The following FER variants were observed in gnomAD, a reference collection of about 807,000 sequenced individuals.
FER encodes the protein tyrosine-protein kinase Fer.
FER carries 63 observed loss-of-function variants against 111.0 expected under a neutral mutation model. The ratio of observed to expected loss-of-function variants is 0.57; its 90% CI spans 0.46 to 0.70. FER has a LOEUF of 0.70. Among genes scored for constraint, FER ranks in the 30% least tolerant of loss-of-function variants. FER has a pLI of 0.00. For synonymous variants in FER, 327 were observed against 313.9 expected (o/e 1.04, Z -0.44); for missense variants, 914 against 954.0 (o/e 0.96, Z 0.55).
rs1191639608 is a variant in FER at position 108,803,174 on chromosome 5, C to T, written c.207+4785C>T. Among the ~76,000 whole-genome samples, 5 of 151,926 alleles carry T rather than the reference C, an allele frequency of 3.3e-5. No homozygotes were observed. In the East Asian group the frequency reaches 9.6e-4, roughly 29 times the overall value. On this transcript the variant is annotated intron_variant, in intron 3 of 19. Coordinates refer to ENST00000281092, the MANE Select transcript of FER (RefSeq NM_005246.4). ...AGAAGTATCTATTAATGTCCTATGC[C>T]CACTTTTTAATGTTTTTTTTTCTTG...
intron 17 of FER, among the ~76,000 whole-genome samples, chr5:109,110,583 A>G (rs1276721631): frequency 1.3e-5 from 2 of 152,136 alleles, no homozygotes; most frequent in African/African-American, 4.8e-5. Context: ...GGTGGGGGTA[A>G]TTGATGGCAA....
chr5:108,882,238 T>C (rs1765754175), intron 8 of FER, among the ~76,000 whole-genome samples: 1 of 152,040 alleles, frequency 6.6e-6, no homozygotes, highest in South Asian at 2.1e-4. Context: ...AGATGACCCC[T>C]GAAAAATCTG....
chr5:109,019,740 C>T (rs1466109660), intron 13 of FER, among the ~76,000 whole-genome samples: 1 of 151,776 alleles, frequency 6.6e-6, no homozygotes, highest in Admixed American at 6.6e-5. Flanking sequence ...TTCTAGCATT[C>T]TTCCCTGCAA....
intron 16 of FER, among the ~76,000 whole-genome samples, chr5:109,088,703 T>C (rs1245916246): frequency 3.3e-5 from 5 of 152,152 alleles, no homozygotes; most frequent in African/African-American, 9.7e-5. Flanking sequence ...AATAAATCCT[T>C]TTATAAAATT....
At chr5:109,054,336 T>C (rs1033080888) in intron 16 of FER, among the ~76,000 whole-genome samples, 1 of 152,242 alleles carries the variant, frequency 6.6e-6, no homozygotes, top group East Asian at 1.9e-4. Flanking sequence ...AATACTTCTA[T>C]ACCTTATTGT....
chr5:109,040,299 TGAA>T (rs1770976895), intron 14 of FER, among the ~76,000 whole-genome samples: 1 of 151,990 alleles, frequency 6.6e-6, no homozygotes, highest in African/African-American at 2.4e-5. Context: ...TGAGTCTAGA[TGAA>T]GAAGAGAAGA....
rs142037873 is a variant in FER at position 108,822,638 on chromosome 5, C to G, written c.208-10132C>G. On this transcript the variant is annotated intron_variant, in intron 3 of 19. Coordinates refer to ENST00000281092, the MANE Select transcript of FER (RefSeq NM_005246.4). ...CCAAGCCACCCACATAGTAGCAGCC[C>G]TCATGACCCAAACACCTTCCATTAG... is the stretch of plus-strand genomic sequence containing the variant. Among the ~76,000 whole-genome samples, 336 of 152,154 alleles carry G rather than the reference C, an allele frequency of 2.2e-3. 2 individuals are homozygous for G. The highest frequency in any genetic ancestry group is 7.7e-3 in the African/African-American group (318 of 41,502).
chr5:108,773,796 A>G lies in FER; in HGVS notation c.-60+5558A>G, dbSNP rs140825585. Among the ~76,000 whole-genome samples, 637 of 152,230 alleles carry G rather than the reference A, an allele frequency of 4.2e-3. 5 individuals carry two copies. Among genetic ancestry groups the G allele is most frequent in the African/African-American group, 0.015 (618 of 41,530 alleles). ...ACTGTCTTCCACAATGGTTGAACTAATTTACACTACCACCAACAGTGTAAA... is the reference window on the plus strand; with the variant it reads ...ACTGTCTTCCACAATGGTTGAACTAGTTTACACTACCACCAACAGTGTAAA... On this transcript the variant is annotated intron_variant, in intron 2 of 19. Coordinates refer to ENST00000281092, the MANE Select transcript of FER (RefSeq NM_005246.4).
At chr5:108,975,676 A>G (rs1192906260) in intron 13 of FER, among the ~76,000 whole-genome samples, 3 of 152,188 alleles carry the variant, frequency 2.0e-5, no homozygotes, top group Admixed American at 6.5e-5. Flanking sequence ...GTTGACAGGT[A>G]AGAAATAGAA....
At chr5:109,049,890 C>T (rs1300097807) in intron 16 of FER, among the ~76,000 whole-genome samples, 57 of 152,278 alleles carry the variant, frequency 3.7e-4, no homozygotes, top group Non-Finnish European at 1.6e-4. Context: ...CTCTTTCAAC[C>T]TCTCTTGCAT....
intron 13 of FER, among the ~76,000 whole-genome samples, chr5:109,016,547 CTGA>C (rs1767153091): frequency 6.6e-6 from 1 of 151,958 alleles, no homozygotes; most frequent in Admixed American, 6.6e-5. Flanking sequence ...TTTTGTGTCT[CTGA>C]TGATATCAGA....
chr5:109,073,562 T>C (rs536851505), intron 16 of FER, among the ~76,000 whole-genome samples: 58 of 152,172 alleles, frequency 3.8e-4, no homozygotes, highest in Non-Finnish European at 7.1e-4. Context: ...AAATATCTAA[T>C]GGGGAAAACT....
rs1438979979 is a variant in FER at position 109,146,276 on chromosome 5, A to C, written c.2049-34471A>C. Among the ~76,000 whole-genome samples the C allele has an allele frequency of 4.8e-5, 3 of 62,404 alleles. 1 individual carries two copies. The highest frequency in any genetic ancestry group is 1.8e-4 in the African/African-American group (3 of 16,452). 40.9% of individuals were successfully genotyped at this position (62,404 alleles called of 152,430 possible). A position where few individuals can be genotyped will look rare whatever the true frequency, so the allele number is the denominator to read the frequency against. ...CTAATATATATATATATATATATAT[A>C]TATATATATATATATCTTGGGTAGC... On this transcript the variant is annotated intron_variant, in intron 17 of 19. Transcript: ENST00000281092.
At chr5:109,051,312 C>T (rs1772767659) in intron 16 of FER, 1 of 1,559,762 alleles carries the variant, frequency 6.4e-7, no homozygotes, top group African/African-American at 1.4e-5. Flanking sequence ...AAGCCTGTAT[C>T]TAGATCTCCA....
Position 108,865,914 on chromosome 5 carries a change from A to G in FER, c.482-1853A>G, listed in dbSNP as rs1359263486. ...CCATCTCACACCAGTTAGAATGGCAATCATTAAGAAGTCAGGAAACAACAG... is the reference window on the plus strand; with the variant it reads ...CCATCTCACACCAGTTAGAATGGCAGTCATTAAGAAGTCAGGAAACAACAG... On this transcript the variant is annotated intron_variant, in intron 5 of 19. Transcript: ENST00000281092. Among the ~76,000 whole-genome samples, 8 of 152,292 alleles carry G rather than the reference A, an allele frequency of 5.3e-5. No individual in the cohort carries two copies. In the East Asian group the frequency reaches 1.5e-3, roughly 29 times the overall value.
chr5:108,992,530 G>C (rs1203905239), intron 13 of FER, among the ~76,000 whole-genome samples: 1 of 149,216 alleles, frequency 6.7e-6, no homozygotes, highest in South Asian at 2.1e-4. Context: ...CCTCCCGGAC[G>C]GGGCAGCTGG....
intron 5 of FER, among the ~76,000 whole-genome samples, chr5:108,862,611 G>A (rs1399684163): frequency 6.6e-6 from 1 of 152,058 alleles, no homozygotes; most frequent in Non-Finnish European, 1.5e-5. Flanking sequence ...TATACCTTTT[G>A]AACTGACAGT....
chr5:108,785,612 G>A (rs567822078), intron 2 of FER: 7 of 409,582 alleles, frequency 1.7e-5, no homozygotes, highest in South Asian at 1.2e-4. Context: ...AAAAAAGTGG[G>A]GAGTCTCAGG....
chr5:109,100,828 A>G (rs1326854909), intron 17 of FER, among the ~76,000 whole-genome samples: 1 of 151,596 alleles, frequency 6.6e-6, no homozygotes, highest in Non-Finnish European at 1.5e-5. Flanking sequence ...CTACAGCCTT[A>G]TAATCAGATA....
Sources: allele counts gnomAD v4.1 joint callset (sites outside exome capture counted in the v4.1 genomes callset), GRCh38; gene constraint gnomAD v4.1.1; transcripts MANE v1.5; gene names NCBI Gene and HGNC (gene_info 2026-07-23, HGNC 2026-07-21).